Variants in ALCAM observed in about 807,000 individuals in gnomAD.
The protein encoded by ALCAM is CD166 antigen.
ALCAM carries 30 observed loss-of-function variants against 70.9 expected under a neutral mutation model. The ratio of observed to expected loss-of-function variants is 0.42; its 90% CI spans 0.32 to 0.57. The LOEUF (loss-of-function observed/expected upper bound fraction) is 0.57, where lower values mean the gene tolerates loss of function less well. Ranked by LOEUF, ALCAM falls within the 20% of genes least tolerant of loss-of-function variation. The pLI, the probability that ALCAM is intolerant of heterozygous loss-of-function variation, is 0.11. For synonymous variants in ALCAM, 249 were observed against 242.5 expected (o/e 1.03, Z -0.25); for missense variants, 591 against 695.1 (o/e 0.85, Z 1.68).
chr3:105,450,724 G>T (rs1033086448), intron 1 of ALCAM, among the ~76,000 whole-genome samples: 1 of 152,010 alleles, frequency 6.6e-6, no homozygotes, highest in Admixed American at 6.6e-5. Flanking sequence ...TATGTATTTT[G>T]GTAAATTTGT....
chr3:105,457,142 A>C (rs1369763855), intron 1 of ALCAM, among the ~76,000 whole-genome samples: 3 of 152,190 alleles, frequency 2.0e-5, no homozygotes, highest in African/African-American at 7.2e-5. Context: ...ATATTCCTTA[A>C]AATACATCTT....
intron 6 of ALCAM, among the ~76,000 whole-genome samples, chr3:105,537,853 C>T (rs1328056134): frequency 6.6e-6 from 1 of 152,080 alleles, no homozygotes; most frequent in Non-Finnish European, 1.5e-5. Context: ...GCACTTAAGG[C>T]TTGCACAATA....
chr3:105,527,597 GA>G (rs141608586), intron 3 of ALCAM, among the ~76,000 whole-genome samples: 15,321 of 146,888 alleles, frequency 0.1, 986 homozygotes, highest in Middle Eastern at 0.17. Flanking sequence ...ATTTGTTCAT[GA>G]AAAAAAAAAG....
chr3:105,408,963 A>G (rs934410183), intron 1 of ALCAM, among the ~76,000 whole-genome samples: 4 of 152,156 alleles, frequency 2.6e-5, no homozygotes, highest in Non-Finnish European at 2.9e-5. Context: ...AACATCACTA[A>G]TTATCAGGGA....
At chr3:105,406,092 A>C (rs959336557) in intron 1 of ALCAM, among the ~76,000 whole-genome samples, 4 of 152,204 alleles carry the variant, frequency 2.6e-5, no homozygotes, top group Non-Finnish European at 5.9e-5. Flanking sequence ...CTAAAGACAC[A>C]GTGATCAACT....
chr3:105,407,383 G>A (rs997209997), intron 1 of ALCAM, among the ~76,000 whole-genome samples: 11 of 152,004 alleles, frequency 7.2e-5, no homozygotes, highest in Non-Finnish European at 2.9e-5. Flanking sequence ...AGATTAAGTG[G>A]GTTTCATACC....
At chr3:105,523,853 G>A (rs537192822) in intron 2 of ALCAM, among the ~76,000 whole-genome samples, 10 of 152,254 alleles carry the variant, frequency 6.6e-5, no homozygotes, top group East Asian at 5.8e-4. Flanking sequence ...ATTTAAAATA[G>A]GTGGATTAAA....
chr3:105,424,967 T>C (rs1936753250), intron 1 of ALCAM, among the ~76,000 whole-genome samples: 1 of 151,736 alleles, frequency 6.6e-6, no homozygotes, highest in African/African-American at 2.4e-5. Flanking sequence ...CAGTAAGTGG[T>C]AGAACTAGAA....
At chr3:105,417,852 T>C (rs1199868038) in intron 1 of ALCAM, among the ~76,000 whole-genome samples, 1 of 151,872 alleles carries the variant, frequency 6.6e-6, no homozygotes. Flanking sequence ...TGGTCCCTCT[T>C]GTCAATATTC....
At chr3:105,461,453 A>G (rs1185771278) in intron 1 of ALCAM, among the ~76,000 whole-genome samples, 1 of 151,880 alleles carries the variant, frequency 6.6e-6, no homozygotes, top group African/African-American at 2.4e-5. Flanking sequence ...AAGAAATTGA[A>G]GAGTGGTCTA....
chr3:105,517,384 T>C (rs1264017151), intron 1 of ALCAM, among the ~76,000 whole-genome samples: 1 of 152,160 alleles, frequency 6.6e-6, no homozygotes, highest in Non-Finnish European at 1.5e-5. Flanking sequence ...TACTGCCCTC[T>C]GTCTAGTGTG....
chr3:105,566,394 C>A (rs936201386), intron 14 of ALCAM, among the ~76,000 whole-genome samples: 3 of 152,164 alleles, frequency 2.0e-5, no homozygotes, highest in Non-Finnish European at 4.4e-5. Flanking sequence ...CATATACTTA[C>A]AATTGTTATA....
intron 1 of ALCAM, among the ~76,000 whole-genome samples, chr3:105,390,437 A>G (rs1277866051): frequency 6.6e-6 from 1 of 151,846 alleles, no homozygotes; most frequent in Non-Finnish European, 1.5e-5. Flanking sequence ...CCACTTTTTA[A>G]TGGGGTTGTT....
chr3:105,550,307 A>G, intron 12 of ALCAM, 48 bp downstream of exon 12: 1 of 1,542,582 alleles, frequency 6.5e-7, no homozygotes, highest in Non-Finnish European at 8.8e-7. Flanking sequence ...ATTTGAAGTT[A>G]TTCTTCATTA....
At position 105,575,572 on chromosome 3, in the gene ALCAM, A is replaced by G. The variant is rs943525234; in HGVS notation, c.*1121A>G. ...TTTATCAAGCAGTACATGAAAGTGT[A>G]ATAATAAAATGTCTATGTATCTTTA... On this transcript the variant is annotated 3_prime_UTR_variant, in exon 16 of 16. Coordinates refer to ENST00000306107, the MANE Select transcript of ALCAM (RefSeq NM_001627.4). 1 of 152,622 alleles carries G rather than the reference A, an allele frequency of 6.6e-6. No individual in the cohort carries two copies. The highest frequency in any genetic ancestry group is 2.4e-5 in the African/African-American group (1 of 41,446). The allele number at this position is 152,622 out of a possible 1,614,324, so 9.5% of individuals were successfully genotyped here.
intron 1 of ALCAM, among the ~76,000 whole-genome samples, chr3:105,494,868 C>T (rs1198921041): frequency 2.0e-5 from 3 of 152,116 alleles, no homozygotes; most frequent in South Asian, 2.1e-4. Flanking sequence ...GCCATGTTGC[C>T]TAGGCTGGTC....
intron 1 of ALCAM, among the ~76,000 whole-genome samples, chr3:105,447,378 T>C (rs769179820): frequency 2.6e-5 from 4 of 152,162 alleles, no homozygotes; most frequent in South Asian, 2.1e-4. Flanking sequence ...ATTGTATTTT[T>C]AAAGGTAAAT....
At position 105,406,621 on chromosome 3, in the gene ALCAM, C is replaced by A. The variant is rs140943091; in HGVS notation, c.73+39140C>A. 6.1e-3 allele frequency among the ~76,000 whole-genome samples: 932 copies of A among 151,916 alleles called. 12 individuals are homozygous for A. Among genetic ancestry groups the A allele is most frequent in the African/African-American group, 0.021 (883 of 41,468 alleles). ...AAAGCACAAATAGACAATCTAAAGTCACACCTTATGGAACTGGAGGAACAA... is the reference window on the plus strand; with the variant it reads ...AAAGCACAAATAGACAATCTAAAGTAACACCTTATGGAACTGGAGGAACAA... On this transcript the variant is annotated intron_variant, in intron 1 of 15. Transcript: ENST00000306107.
intron 1 of ALCAM, among the ~76,000 whole-genome samples, chr3:105,403,643 A>G (rs1280825430): frequency 6.6e-6 from 1 of 152,094 alleles, no homozygotes; most frequent in African/African-American, 2.4e-5. Flanking sequence ...AAGGAATCAG[A>G]AAAACAATTC....
Sources: allele counts gnomAD v4.1 joint callset (sites outside exome capture counted in the v4.1 genomes callset), GRCh38; gene constraint gnomAD v4.1.1; transcripts MANE v1.5; gene names NCBI Gene and HGNC (gene_info 2026-07-23, HGNC 2026-07-21).